The following BRMS1L variants were observed in gnomAD, a reference collection of about 807,000 sequenced individuals.
BRMS1L encodes the protein breast cancer metastasis-suppressor 1-like protein.
Under a neutral mutation model 50.3 loss-of-function variants are expected in BRMS1L, and 23 were observed. The observed-to-expected ratio is 0.46, with a 90% CI of 0.33 to 0.65. The LOEUF is 0.65. Ranked by LOEUF, BRMS1L falls within the 30% of genes least tolerant of loss-of-function variation. The pLI, the probability that BRMS1L is intolerant of heterozygous loss-of-function variation, is 0.02. For synonymous variants in BRMS1L, 114 were observed against 126.9 expected, an observed-to-expected ratio of 0.90 and a Z score of 0.69; for missense variants, 286 against 386.1, an observed-to-expected ratio of 0.74 and a Z score of 2.17.
intron 2 of BRMS1L, among the ~76,000 whole-genome samples, chr14:35,832,028 G>C (rs1201218743): frequency 6.6e-6 from 1 of 152,138 alleles, no homozygotes; most frequent in East Asian, 1.9e-4. Context: ...TAGAGTATTT[G>C]TAAGTGGCCT....
chr14:35,840,035 A>G (rs966922224), intron 4 of BRMS1L, among the ~76,000 whole-genome samples: 2 of 152,306 alleles, frequency 1.3e-5, no homozygotes, highest in East Asian at 1.9e-4. Flanking sequence ...TTATTTTGAG[A>G]TACATTCCAT....
chr14:35,837,162 G>A (rs1366492415), intron 4 of BRMS1L, among the ~76,000 whole-genome samples: 13 of 152,100 alleles, frequency 8.5e-5, no homozygotes, highest in Admixed American at 8.5e-4. Flanking sequence ...GTCTGAGACA[G>A]GAGAATTGCT....
intron 4 of BRMS1L, among the ~76,000 whole-genome samples, chr14:35,842,480 T>C (rs1387556026): frequency 6.6e-6 from 1 of 152,214 alleles, no homozygotes; most frequent in Admixed American, 6.5e-5. Context: ...AAAATTCTTT[T>C]CTTTAAGAAT....
intron 4 of BRMS1L, among the ~76,000 whole-genome samples, chr14:35,859,048 T>A (rs1278868813): frequency 6.6e-6 from 1 of 151,850 alleles, no homozygotes; most frequent in Non-Finnish European, 1.5e-5. Context: ...TTCAAGTGAT[T>A]CTCCTGCCTC....
intron 6 of BRMS1L, 45 bp from the exon 7 acceptor site, chr14:35,864,890 C>G: frequency 7.8e-7 from 1 of 1,285,756 alleles, no homozygotes; most frequent in African/African-American, 1.5e-5. Context: ...AAATATAATT[C>G]AAAGTGTGAT....
intron 4 of BRMS1L, 34 bp from the exon 5 acceptor site, chr14:35,862,556 T>A: frequency 1.4e-6 from 2 of 1,468,482 alleles, no homozygotes; most frequent in Non-Finnish European, 1.8e-6. Flanking sequence ...AATTTTTTTC[T>A]TTCTACTTAA....
At chr14:35,865,877 C>T (rs545178447) in intron 8 of BRMS1L, 116 bp downstream of exon 8, 5 of 903,734 alleles carry the variant, frequency 5.5e-6, no homozygotes, top group Admixed American at 5.0e-5. Context: ...CAGTGAACAC[C>T]GTGCCTGAAA....
intron 4 of BRMS1L, among the ~76,000 whole-genome samples, chr14:35,846,583 C>G (rs939910943): frequency 2.6e-5 from 4 of 152,078 alleles, no homozygotes; most frequent in Non-Finnish European, 4.4e-5. Flanking sequence ...TTGAGTTGGT[C>G]TGCTATTTCT....
At chr14:35,839,369 C>G (rs181584933) in intron 4 of BRMS1L, among the ~76,000 whole-genome samples, 1 of 151,970 alleles carries the variant, frequency 6.6e-6, no homozygotes, top group Non-Finnish European at 1.5e-5. Context: ...TTTTTGGTTC[C>G]GTATGAAATT....
chr14:35,839,938 G>A (rs150207765), intron 4 of BRMS1L, among the ~76,000 whole-genome samples: 2 of 152,152 alleles, frequency 1.3e-5, no homozygotes, highest in African/African-American at 4.8e-5. Flanking sequence ...GGACATCCTT[G>A]TCTTGTGCCG....
In BRMS1L at chr14:35,834,219, C is replaced by T. The variant is rs536031166; in HGVS notation, c.362-625C>T. Among the ~76,000 whole-genome samples the T allele has an allele frequency of 3.9e-5, 6 of 152,146 alleles. No homozygotes were observed. The East Asian group carries it at 9.6e-4, about 24-fold the overall frequency. ...TACATATCCAGAGCTCTTTGCGTGC[C>T]GTTTTTGTAGTGACATATTTGCATG... On this transcript the variant is annotated intron_variant, in intron 3 of 9. Transcript: ENST00000216807.
intron 4 of BRMS1L, among the ~76,000 whole-genome samples, chr14:35,860,591 A>AC (rs1305084034): frequency 2.0e-5 from 3 of 152,146 alleles, no homozygotes; most frequent in East Asian, 1.9e-4. Context: ...AAAAAAAAAA[A>AC]AAAAAACTAT....
Position 35,833,026 on chromosome 14 carries a change from C to T in BRMS1L, c.282C>T (p.Val94=), listed in dbSNP as rs1342207246. 2 of 1,613,344 alleles carry T rather than the reference C, an allele frequency of 1.2e-6. No individual in the cohort carries two copies. Among genetic ancestry groups the T allele is most frequent in the African/African-American group, 2.7e-5 (2 of 74,892 alleles). The change falls in exon 3 of 10, where the codon GTC becomes GTT. Residue 94 remains valine, a synonymous_variant. Coordinates refer to ENST00000216807, the MANE Select transcript of BRMS1L (RefSeq NM_032352.4). ...LSQVDAKLQE[V]IAGKAPEYLE... The stretch of plus-strand genomic sequence containing the variant: ...AGGTGGATGCAAAACTACAAGAAGT[C>T]ATAGCTGGAAAAGCACCAGAATACT...
intron 4 of BRMS1L, among the ~76,000 whole-genome samples, chr14:35,842,949 T>C (rs1419563807): frequency 6.6e-6 from 1 of 152,236 alleles, no homozygotes; most frequent in African/African-American, 2.4e-5. Context: ...TCTGATATCC[T>C]TTCTCCTCTT....
chr14:35,862,086 AATTG>A (rs3058666), intron 4 of BRMS1L, among the ~76,000 whole-genome samples: 4,611 of 152,258 alleles, frequency 0.03, 189 homozygotes, highest in African/African-American at 0.088. Flanking sequence ...TTTAGACTAT[AATTG>A]AATTATTTTA....
In BRMS1L at chr14:35,826,606, C is replaced by G; in HGVS notation, c.90C>G (p.Ser30=). ...VDYAENEGSS[S]EDEDTESSSV... is the part of the protein sequence containing the mutation. ...ACGCCGAAAATGAGGGGAGCAGCTC[C>G]GAGGACGAGGACACTGAGAGCTCGT... Residue 30 remains serine (S), a synonymous_variant, in exon 1 of 10, where the codon TCC becomes TCG. Coordinates refer to ENST00000216807, the MANE Select transcript of BRMS1L (RefSeq NM_032352.4). 1 of 1,612,020 alleles carries G rather than the reference C, an allele frequency of 6.2e-7. No homozygotes were observed. The highest frequency in any genetic ancestry group is 8.5e-7 in the Non-Finnish European group (1 of 1,179,380).
chr14:35,865,878 G>A (rs1046020905), intron 8 of BRMS1L, 117 bp downstream of exon 8: 45 of 899,534 alleles, frequency 5.0e-5, no homozygotes, highest in East Asian at 4.0e-4. Flanking sequence ...AGTGAACACC[G>A]TGCCTGAAAT....
chr14:35,826,369 T>C lies in BRMS1L; in HGVS notation c.-148T>C. On this transcript the variant is annotated 5_prime_UTR_variant, in exon 1 of 10. Transcript: ENST00000216807. ...CCCATCGCAGAGCCTGCGGGTTAGG[T>C]TGTGAGGCCCGGGCCGGGGGCGGGG... The C allele has an allele frequency of 8.6e-7, 1 of 1,168,456 alleles. No homozygotes were observed. The highest frequency in any genetic ancestry group is 1.2e-6 in the Non-Finnish European group (1 of 833,668). 72.4% of individuals were successfully genotyped at this position (1,168,456 alleles called of 1,614,324 possible).
chr14:35,841,071 A>G (rs1595664437), intron 4 of BRMS1L, among the ~76,000 whole-genome samples: 1 of 152,084 alleles, frequency 6.6e-6, no homozygotes, highest in Non-Finnish European at 1.5e-5. Flanking sequence ...CACTGGTTTC[A>G]AATAACTTAT....
Sources: gnomAD v4.1 joint callset for allele counts (sites outside exome capture counted in the v4.1 genomes callset) on GRCh38, gnomAD v4.1.1 for gene constraint, MANE v1.5 for transcripts, NCBI Gene and HGNC (gene_info 2026-07-23, HGNC 2026-07-21) for gene names.